The following PPP1R15B variants were observed in gnomAD, a reference collection of about 807,000 sequenced individuals.
PPP1R15B encodes the protein protein phosphatase 1, regulatory (inhibitor) subunit 15B.
In PPP1R15B, 31 loss-of-function variants were observed where a neutral mutation model predicts 53.9. The ratio of observed to expected loss-of-function variants is 0.58; its 90% confidence interval spans 0.43 to 0.78. The LOEUF (loss-of-function observed/expected upper bound fraction) is 0.78. PPP1R15B is among the 30% of genes least tolerant of loss of function. PPP1R15B has a pLI of 0.00. For synonymous variants in PPP1R15B, 345 were observed against 329.1 expected (o/e 1.05, Z -0.52); for missense variants, 928 against 849.6 (o/e 1.09, Z -1.15).
chr1:204,409,870 C>A lies in PPP1R15B; in HGVS notation c.1542G>T (p.Leu514Phe), dbSNP rs1674331713. 6.2e-7 allele frequency: 1 copy of A among 1,613,998 alleles called. No homozygotes were observed. Among genetic ancestry groups the A allele is most frequent in the Non-Finnish European group, 8.5e-7 (1 of 1,180,026 alleles). Residue 514 changes from leucine to phenylalanine, a missense_variant, in exon 1 of 2, where the codon TTG becomes TTT. Leu to Phe is a conservative substitution (Grantham distance 22). Transcript: ENST00000367188. ...AATTCTCTAGATCAGACTTGCCAGA[C>A]AAATCCTTCTCTGAATCAGAAGGCT... ...PEEPSDSEKD[L>F]SGKSDLENSS...
In PPP1R15B at chr1:204,411,671, G is replaced by C; in HGVS notation, c.-260C>G. The C allele has an allele frequency of 1.7e-6, 1 of 572,326 alleles. No individual in the cohort carries two copies. The highest frequency in any genetic ancestry group is 3.0e-5 in the East Asian group (1 of 33,690). 35.5% of individuals were successfully genotyped at this position (572,326 alleles called of 1,614,324 possible). On this transcript the variant is annotated 5_prime_UTR_variant, in exon 1 of 2. Coordinates refer to ENST00000367188, the MANE Select transcript of PPP1R15B (RefSeq NM_032833.5). The stretch of plus-strand genomic sequence containing the variant: ...GGCGGGGAAGGAGGTTCCCTAGTCG[G>C]CTCGACGCTTCAACACCATGGATAG...
At position 204,404,447 on chromosome 1, in the gene PPP1R15B, T is replaced by C; in HGVS notation, c.*1645A>G. Reference sequence around the variant, plus strand: ...TTGCAGTGAGCCGAGATCGCGCCACTGCACTCCAAGCTGGGGGACCGAACG... The same window carrying C: ...TTGCAGTGAGCCGAGATCGCGCCACCGCACTCCAAGCTGGGGGACCGAACG... On this transcript the variant is annotated 3_prime_UTR_variant, in exon 2 of 2. Coordinates refer to ENST00000367188, the MANE Select transcript of PPP1R15B (RefSeq NM_032833.5). The C allele has an allele frequency of 2.5e-6, 2 of 798,530 alleles. No homozygotes were observed. The highest frequency in any genetic ancestry group is 3.0e-6 in the Non-Finnish European group (2 of 660,324). The allele number at this position is 798,530 out of a possible 1,614,324, so 49.5% of individuals were successfully genotyped here.
Position 204,411,552 on chromosome 1 carries a change from A to G in PPP1R15B, c.-141T>C, listed in dbSNP as rs567024386. On this transcript the variant is annotated 5_prime_UTR_variant, in exon 1 of 2. Transcript: ENST00000367188. ...CCAGGCCGATCTTCGAGCCAGCAGA[A>G]AAGCCACAGAGGGCAGCGAATGCGG... 728 of 1,187,124 alleles carry G rather than the reference A, an allele frequency of 6.1e-4. 5 individuals carry two copies. The South Asian group carries it at 7.2e-3, about 12-fold the overall frequency. 73.5% of individuals were successfully genotyped at this position (1,187,124 alleles called of 1,614,324 possible).
Position 204,411,624 on chromosome 1 carries a change from C to A in PPP1R15B, c.-213G>T. The A allele has an allele frequency of 1.6e-6, 1 of 615,750 alleles. No homozygotes were observed. Among genetic ancestry groups the A allele is most frequent in the Non-Finnish European group, 2.8e-6 (1 of 354,074 alleles). The allele number at this position is 615,750 out of a possible 1,614,324, so 38.1% of individuals were successfully genotyped here. On this transcript the variant is annotated 5_prime_UTR_variant, in exon 1 of 2. Coordinates refer to ENST00000367188, the MANE Select transcript of PPP1R15B (RefSeq NM_032833.5). Reference sequence around the variant, plus strand: ...GAAGAACAGCCCGCGCAATAGGCGGCGACTGATGCGACTTCCATCCTGGCG... The same window carrying A: ...GAAGAACAGCCCGCGCAATAGGCGGAGACTGATGCGACTTCCATCCTGGCG...
rs1053864624 is a variant in PPP1R15B at position 204,404,464 on chromosome 1, G to A, written c.*1628C>T. ...CGCGCCACTGCACTCCAAGCTGGGG[G>A]ACCGAACGAGACTCTGTCTCAAAAA... On this transcript the variant is annotated 3_prime_UTR_variant, in exon 2 of 2. Coordinates refer to ENST00000367188, the MANE Select transcript of PPP1R15B (RefSeq NM_032833.5). 65 of 895,374 alleles carry A rather than the reference G, an allele frequency of 7.3e-5. No homozygotes were observed. The highest frequency in any genetic ancestry group is 8.3e-5 in the Non-Finnish European group (62 of 748,470). 55.5% of individuals were successfully genotyped at this position (895,374 alleles called of 1,614,324 possible). A position where few individuals can be genotyped will look rare whatever the true frequency, so the allele number is the denominator to read the frequency against.
intron 1 of PPP1R15B, among the ~76,000 whole-genome samples, chr1:204,407,120 A>G (rs777504224): frequency 5.3e-5 from 8 of 152,198 alleles, no homozygotes; most frequent in Non-Finnish European, 1.0e-4. Flanking sequence ...AGGCTTTAAC[A>G]ATATTTTTGC....
chr1:204,398,531 T>C (rs577226128), downstream of PPP1R15B, among the ~76,000 whole-genome samples: 2 of 152,260 alleles, frequency 1.3e-5, no homozygotes, highest in South Asian at 2.1e-4. Flanking sequence ...TTGGTTCTCC[T>C]ATAAGAAAGA....
At chr1:204,398,436 G>A (rs951041539), downstream of PPP1R15B, among the ~76,000 whole-genome samples, 8 of 152,112 alleles carry the variant, frequency 5.3e-5, no homozygotes, top group Admixed American at 1.3e-4. Context: ...AGCTATGACC[G>A]TGCCACTGTA....
chr1:204,402,515 C>G (rs941850931), downstream of PPP1R15B, among the ~76,000 whole-genome samples: 5 of 152,096 alleles, frequency 3.3e-5, no homozygotes, highest in African/African-American at 1.2e-4. Flanking sequence ...TCAAGCAACC[C>G]TCCTGTCTCA....
chr1:204,399,419 G>C (rs1674141274), downstream of PPP1R15B, among the ~76,000 whole-genome samples: 1 of 152,176 alleles, frequency 6.6e-6, no homozygotes, highest in Non-Finnish European at 1.5e-5. Flanking sequence ...AGTTAGCTGG[G>C]TGTGATGGCA....
In PPP1R15B at chr1:204,404,664, C is replaced by A. The variant is rs1250432153; in HGVS notation, c.*1428G>T. The stretch of plus-strand genomic sequence containing the variant: ...GTAGATTGTAAACTGAGGTAGTAAC[C>A]CTGTAAGCACTTCTGATGAAAAATT... On this transcript the variant is annotated 3_prime_UTR_variant, in exon 2 of 2. Transcript: ENST00000367188. 2.0e-6 allele frequency: 2 copies of A among 985,434 alleles called. No individual in the cohort carries two copies. Among genetic ancestry groups the A allele is most frequent in the African/African-American group, 1.8e-5 (1 of 57,134 alleles). The allele number at this position is 985,434 out of a possible 1,614,324, so 61.0% of individuals were successfully genotyped here.
At position 204,410,572 on chromosome 1, in the gene PPP1R15B, C is replaced by G. The variant is rs1276498077; in HGVS notation, c.840G>C (p.Gln280His). 6.2e-7 allele frequency: 1 copy of G among 1,613,950 alleles called. No individual in the cohort carries two copies. The highest frequency in any genetic ancestry group is 1.7e-5 in the Admixed American group (1 of 60,014). ...LSAELIPASW[Q>H]GCPPLSTEGL... ...CTTCCGTAGAAAGAGGTGGACATCC[C>G]TGCCACGAGGCCGGAATGAGTTCTG... Residue 280 changes from glutamine (Q) to histidine (H), a missense_variant, in exon 1 of 2, where the codon CAG becomes CAC. Gln to His is a conservative substitution (Grantham distance 24). Coordinates refer to ENST00000367188, the MANE Select transcript of PPP1R15B (RefSeq NM_032833.5).
At chr1:204,402,697 C>A (rs1379026169), downstream of PPP1R15B, among the ~76,000 whole-genome samples, 2 of 149,470 alleles carry the variant, frequency 1.3e-5, no homozygotes, top group African/African-American at 2.4e-5. Context: ...GCTGGAATTA[C>A]AGGCGTGAGC....
intron 1 of PPP1R15B, among the ~76,000 whole-genome samples, 177 bp downstream of exon 1, chr1:204,409,315 G>A (rs1353926357): frequency 6.6e-6 from 1 of 152,100 alleles, no homozygotes; most frequent in Admixed American, 6.5e-5. Flanking sequence ...GCATTGGGGT[G>A]GGGGGTGAGG....
downstream of PPP1R15B, among the ~76,000 whole-genome samples, chr1:204,402,341 A>AT (rs1674191456): frequency 6.6e-6 from 1 of 151,842 alleles, no homozygotes; most frequent in Non-Finnish European, 1.5e-5. Context: ...CGGAGTAAAA[A>AT]TTTTTTTCTG....
At chr1:204,395,839 T>C (rs1674095333), downstream of PPP1R15B, among the ~76,000 whole-genome samples, 1 of 152,214 alleles carries the variant, frequency 6.6e-6, no homozygotes, top group African/African-American at 2.4e-5. Flanking sequence ...TACTCAACAG[T>C]TCATAGAAGC....
chr1:204,411,280 G>C lies in PPP1R15B; in HGVS notation c.132C>G (p.Asn44Lys). 1 of 1,614,218 alleles carries C rather than the reference G, an allele frequency of 6.2e-7. No individual in the cohort carries two copies. The highest frequency in any genetic ancestry group is 8.5e-7 in the Non-Finnish European group (1 of 1,180,042). The change falls in exon 1 of 2, where the codon AAC (asparagine) becomes AAG (lysine). Residue 44 changes from asparagine to lysine, a missense_variant. By Grantham distance (94) the Asn-to-Lys change is moderately conservative. Coordinates refer to ENST00000367188, the MANE Select transcript of PPP1R15B (RefSeq NM_032833.5). ...SKFPTPLGPE[N>K]SGNPTLLSSA... ...AGGAAAGCAGTGTGGGGTTCCCGGA[G>C]TTTTCCGGGCCAAGAGGCGTCGGGA... is the stretch of plus-strand genomic sequence containing the variant.
Position 204,409,719 on chromosome 1 carries a change from G to C in PPP1R15B, c.1693C>G (p.Pro565Ala), listed in dbSNP as rs1445196915. ...LWNSFCNSDD[P>A]YNPLNFKAPF... ...GCCTTAAAATTTAAAGGGTTGTAGG[G>C]GTCATCAGAATTACAGAATGAGTTC... The change falls in exon 1 of 2, where the codon CCC becomes GCC. Residue 565 changes from proline (P) to alanine (A), a missense_variant. Coordinates refer to ENST00000367188, the MANE Select transcript of PPP1R15B (RefSeq NM_032833.5). 1.2e-6 allele frequency: 2 copies of C among 1,614,010 alleles called. No homozygotes were observed. The highest frequency in any genetic ancestry group is 1.7e-5 in the Admixed American group (1 of 60,022).
downstream of PPP1R15B, among the ~76,000 whole-genome samples, chr1:204,398,475 AC>A (rs1390435822): frequency 6.6e-6 from 1 of 151,938 alleles, no homozygotes; most frequent in Non-Finnish European, 1.5e-5. Flanking sequence ...CGACAGCAAG[AC>A]TCAAAAAAAA....
Sources: gnomAD v4.1 joint callset for allele counts (sites outside exome capture counted in the v4.1 genomes callset) on GRCh38, gnomAD v4.1.1 for gene constraint, MANE v1.5 for transcripts, NCBI Gene and HGNC (gene_info 2026-07-23, HGNC 2026-07-21) for gene names.